The following ATP1B3 variants were observed in gnomAD, a reference collection of about 807,000 sequenced individuals.
ATP1B3 encodes ATPase Na+/K+ transporting subunit beta 3, also known as sodium/potassium-transporting ATPase subunit beta-3.
ATP1B3 carries 10 observed loss-of-function variants against 30.2 expected under a neutral mutation model. The ratio of observed to expected loss-of-function variants is 0.33; its 90% CI spans 0.20 to 0.56. The LOEUF is 0.56. Among genes scored for constraint, ATP1B3 ranks in the 20% least tolerant of loss-of-function variants. The pLI is 0.90. For synonymous variants in ATP1B3, 113 were observed against 117.0 expected, an observed-to-expected ratio of 0.97 and a Z score of 0.22; for missense variants, 238 against 336.7, an observed-to-expected ratio of 0.71 and a Z score of 2.29.
chr3:141,907,474 T>C (rs1486367016), intron 3 of ATP1B3, among the ~76,000 whole-genome samples, 200 bp downstream of exon 3: 6 of 152,060 alleles, frequency 3.9e-5, no homozygotes, highest in Non-Finnish European at 8.8e-5. Context: ...AAACCCCATC[T>C]CTACCAAAAA....
At chr3:141,886,864 G>A (rs1000549270) in intron 1 of ATP1B3, among the ~76,000 whole-genome samples, 21 of 152,260 alleles carry the variant, frequency 1.4e-4, no homozygotes, top group Non-Finnish European at 2.5e-4. Flanking sequence ...TTAGCTGGCT[G>A]TGTTAGCACA....
chr3:141,889,764 C>T (rs865775819), intron 1 of ATP1B3, among the ~76,000 whole-genome samples: 29,889 of 106,784 alleles, frequency 0.28, 6,252 homozygotes, highest in African/African-American at 0.51. Context: ...TATACACACA[C>T]ACACACACAC....
chr3:141,909,653 G>A (rs1231255198), intron 3 of ATP1B3, among the ~76,000 whole-genome samples: 2 of 152,242 alleles, frequency 1.3e-5, no homozygotes, highest in Non-Finnish European at 2.9e-5. Context: ...GGGCTGAATG[G>A]AGTGAGCCAG....
intron 6 of ATP1B3, among the ~76,000 whole-genome samples, chr3:141,925,317 G>A (rs1322744108): frequency 6.6e-6 from 1 of 152,134 alleles, no homozygotes; most frequent in African/African-American, 2.4e-5. Context: ...TTAAAAATTA[G>A]TGGGCTGTGG....
chr3:141,904,012 G>A (rs375457928), intron 2 of ATP1B3, among the ~76,000 whole-genome samples: 77 of 152,268 alleles, frequency 5.1e-4, no homozygotes, highest in East Asian at 2.9e-3. Context: ...TCGAACTCCC[G>A]ACCTCAGGTG....
chr3:141,892,408 G>A (rs1301712486), intron 1 of ATP1B3, among the ~76,000 whole-genome samples: 2 of 152,080 alleles, frequency 1.3e-5, no homozygotes, highest in Non-Finnish European at 2.9e-5. Flanking sequence ...ACAGCATTAA[G>A]TGGATTTTTT....
chr3:141,908,138 A>G (rs989977351), intron 3 of ATP1B3, among the ~76,000 whole-genome samples: 7 of 146,456 alleles, frequency 4.8e-5, no homozygotes, highest in African/African-American at 1.8e-4. Context: ...CAGGTTTCCA[A>G]TGTAGTGCTT....
intron 3 of ATP1B3, among the ~76,000 whole-genome samples, chr3:141,908,378 C>T (rs1187877650): frequency 6.6e-6 from 1 of 152,148 alleles, no homozygotes; most frequent in African/African-American, 2.4e-5. Context: ...TCATCTCTTC[C>T]TCAGCCACAG....
intron 1 of ATP1B3, among the ~76,000 whole-genome samples, chr3:141,890,657 C>T (rs541767874): frequency 1.4e-5 from 2 of 147,996 alleles, no homozygotes; most frequent in African/African-American, 2.7e-5. Context: ...AGGCTGGTCT[C>T]GAACTCTTGA....
At chr3:141,920,356 G>A (rs965735506) in intron 5 of ATP1B3, among the ~76,000 whole-genome samples, 4 of 151,988 alleles carry the variant, frequency 2.6e-5, no homozygotes, top group East Asian at 1.9e-4. Flanking sequence ...ACAAAACTCC[G>A]TCTCTACTAA....
In ATP1B3 at chr3:141,884,465, A is replaced by C. The variant is rs187864679; in HGVS notation, c.109+7555A>C. On this transcript the variant is annotated intron_variant, in intron 1 of 6. Transcript: ENST00000286371. ...GTCTTCTAAGTGTTTGTGATGGTTA[A>C]TATTATTGAGTGTCAACTTGATTGG... is the stretch of plus-strand genomic sequence containing the variant. Among the ~76,000 whole-genome samples the C allele has an allele frequency of 6.1e-3, 936 of 152,210 alleles. 9 individuals carry two copies. Among genetic ancestry groups the C allele is most frequent in the African/African-American group, 0.021 (879 of 41,532 alleles).
At chr3:141,900,809 GTCTC>G (rs779206941) in intron 1 of ATP1B3, among the ~76,000 whole-genome samples, 3 of 152,026 alleles carry the variant, frequency 2.0e-5, no homozygotes, top group Non-Finnish European at 2.9e-5. Context: ...TTGAGAAGGG[GTCTC>G]TCTCTGTCAC....
chr3:141,895,174 T>C (rs1162718233), intron 1 of ATP1B3, among the ~76,000 whole-genome samples: 1 of 150,462 alleles, frequency 6.6e-6, no homozygotes, highest in Non-Finnish European at 1.5e-5. Flanking sequence ...TATTGTCTCT[T>C]TTTTCTTTCT....
At position 141,888,552 on chromosome 3, in the gene ATP1B3, A is replaced by G. The variant is rs372048394; in HGVS notation, c.109+11642A>G. 3.3e-5 allele frequency among the ~76,000 whole-genome samples: 5 copies of G among 152,240 alleles called. No homozygotes were observed. In the East Asian group the frequency reaches 7.7e-4, roughly 24 times the overall value. On this transcript the variant is annotated intron_variant, in intron 1 of 6. Transcript: ENST00000286371. ...TGTATTCGTCTATTTTCACACTGCT[A>G]TAAAGAACTACCTGAGACTGGGTAA... is the stretch of plus-strand genomic sequence containing the variant.
At position 141,876,715 on chromosome 3, in the gene ATP1B3, G is replaced by GCGCCGCCGGAGCCGGGACGCGCCTC; in HGVS notation, c.-83_-59dup. 9.8e-7 allele frequency: 1 copy of GCGCCGCCGGAGCCGGGACGCGCCTC among 1,015,560 alleles called. No homozygotes were observed. Among genetic ancestry groups the GCGCCGCCGGAGCCGGGACGCGCCTC allele is most frequent in the Non-Finnish European group, 1.5e-6 (1 of 682,140 alleles). The allele number at this position is 1,015,560 out of a possible 1,614,324, so 62.9% of individuals were successfully genotyped here. ...CACCCTTCACTGCCGTCTCCGGGCTGCGCCGCCGGAGCCGGGACGCGCCTC... is the reference window on the plus strand; with the variant it reads ...CACCCTTCACTGCCGTCTCCGGGCTGCGCCGCCGGAGCCGGGACGCGCCTCCGCCGCCGGAGCCGGGACGCGCCTC... On this transcript the variant is annotated 5_prime_UTR_variant, in exon 1 of 7. Transcript: ENST00000286371.
chr3:141,880,619 A>G (rs1220685833), intron 1 of ATP1B3, among the ~76,000 whole-genome samples: 2 of 152,156 alleles, frequency 1.3e-5, no homozygotes, highest in Non-Finnish European at 1.5e-5. Flanking sequence ...TAATGATGAA[A>G]TAGAATAGTA....
rs144501636 is a variant in ATP1B3, at chr3:141,919,894, G to A, written c.583-2083G>A. ...GCAGAGGTTGTAGTGAGCCATGATCGCGCCACTCCACTCCATCCTAGGCAA... is the reference window on the plus strand; with the variant it reads ...GCAGAGGTTGTAGTGAGCCATGATCACGCCACTCCACTCCATCCTAGGCAA... On this transcript the variant is annotated intron_variant, in intron 5 of 6. Coordinates refer to ENST00000286371, the MANE Select transcript of ATP1B3 (RefSeq NM_001679.4). Among the ~76,000 whole-genome samples, 226 of 151,886 alleles carry A rather than the reference G, an allele frequency of 1.5e-3. 1 individual carries two copies. In the East Asian group the frequency reaches 0.015, roughly 10 times the overall value.
intron 1 of ATP1B3, among the ~76,000 whole-genome samples, chr3:141,894,506 G>A (rs1019284005): frequency 2.0e-5 from 3 of 152,110 alleles, no homozygotes; most frequent in Non-Finnish European, 2.9e-5. Context: ...CAAACACATT[G>A]TACAGCTGCA....
rs145742005 is a variant in ATP1B3 at position 141,877,247 on chromosome 3, C to A, written c.109+337C>A. On this transcript the variant is annotated intron_variant, in intron 1 of 6. Coordinates refer to ENST00000286371, the MANE Select transcript of ATP1B3 (RefSeq NM_001679.4). ...CGGGGACCCCTGCCCGAAGCCGGGCCCCGAGAGTGCAGGAGCCGAGCCCCC... is the reference window on the plus strand; with the variant it reads ...CGGGGACCCCTGCCCGAAGCCGGGCACCGAGAGTGCAGGAGCCGAGCCCCC... Among the ~76,000 whole-genome samples, 1,327 of 152,094 alleles carry A rather than the reference C, an allele frequency of 8.7e-3. 18 individuals are homozygous for A. Among genetic ancestry groups the A allele is most frequent in the African/African-American group, 0.03 (1,233 of 41,538 alleles).
Sources: gnomAD v4.1 joint callset for allele counts (sites outside exome capture counted in the v4.1 genomes callset) on GRCh38, gnomAD v4.1.1 for gene constraint, MANE v1.5 for transcripts, NCBI Gene and HGNC (gene_info 2026-07-23, HGNC 2026-07-21) for gene names.